Variants in HAAO observed in about 807,000 individuals in gnomAD.
The protein encoded by HAAO is 3-hydroxyanthranilate 3,4-dioxygenase, also known as 3-hydroxyanthranilate oxygenase.
HAAO carries 49 observed loss-of-function variants against 46.2 expected under a neutral mutation model. The observed-to-expected ratio is 1.06, with a 90% CI of 0.84 to 1.34. The LOEUF (loss-of-function observed/expected upper bound fraction) is 1.34. HAAO is among the 40% of genes most tolerant of loss of function. The pLI is 0.00. For missense variants in HAAO, 408 were observed against 364.5 expected (o/e 1.12, Z -0.97); for synonymous variants, 157 against 145.2 (o/e 1.08, Z -0.58).
Position 42,769,727 on chromosome 2 carries a change from T to G in HAAO, c.616A>C (p.Thr206Pro). 6.2e-7 allele frequency: 1 copy of G among 1,611,736 alleles called. No individual in the cohort carries two copies. Among genetic ancestry groups the G allele is most frequent in the Non-Finnish European group, 8.5e-7 (1 of 1,178,930 alleles). The change falls in exon 7 of 10, where the codon ACC (threonine) becomes CCC (proline). Residue 206 changes from threonine to proline, a missense_variant. Coordinates refer to ENST00000294973, the MANE Select transcript of HAAO (RefSeq NM_012205.3). Reference protein sequence around the residue: ...AGTPLSLFGDTYETQVIAYGQ... With the variant: ...AGTPLSLFGDPYETQVIAYGQ... ...GACTACATTACCTGGGTCTCATAGG[T>G]GTCCCCAAACAGGCTGAGTGGTGTG...
Position 42,783,309 on chromosome 2 carries a change from T to G in HAAO, c.350+5A>C, listed in dbSNP as rs192685015. The stretch of plus-strand genomic sequence containing the variant: ...CTCTGCCCCAGCCCTCCAGACAGAA[T>G]TTACCTGAGCCCATCTAGCTCGGTC... On this transcript the variant is annotated splice_donor_5th_base_variant and intron_variant, in intron 4 of 9. Coordinates refer to ENST00000294973, the MANE Select transcript of HAAO (RefSeq NM_012205.3). 5.0e-4 allele frequency: 790 copies of G among 1,582,660 alleles called. 5 individuals are homozygous for G. In the African/African-American group the frequency reaches 8.3e-3, roughly 17 times the overall value.
chr2:42,772,993 C>T lies in HAAO; in HGVS notation c.351-2411G>A, dbSNP rs558460219. On this transcript the variant is annotated intron_variant, in intron 4 of 9. Coordinates refer to ENST00000294973, the MANE Select transcript of HAAO (RefSeq NM_012205.3). ...TGTTGAGCTTTTGGAAAATCTATTT[C>T]CCTGAGCAATAGGTTGCTTCCTCCT... 1.3e-5 allele frequency among the ~76,000 whole-genome samples: 2 copies of T among 150,974 alleles called. 1 individual carries two copies. The highest frequency in any genetic ancestry group is 1.3e-4 in the Admixed American group (2 of 15,194).
intron 1 of HAAO, among the ~76,000 whole-genome samples, chr2:42,791,370 G>C (rs910124518): frequency 1.3e-5 from 2 of 152,174 alleles, no homozygotes; most frequent in African/African-American, 4.8e-5. Flanking sequence ...CTGAGAAGGA[G>C]CGACTGCAGA....
intron 7 of HAAO, among the ~76,000 whole-genome samples, chr2:42,768,822 A>G (rs904218048): frequency 6.6e-6 from 1 of 152,098 alleles, no homozygotes; most frequent in African/African-American, 2.4e-5. Context: ...ACCTACCAGG[A>G]CCTGGGCCCT....
At chr2:42,784,525 A>C (rs997861757) in intron 2 of HAAO, among the ~76,000 whole-genome samples, 1 of 1,106 alleles carries the variant, frequency 9.0e-4, no homozygotes, top group Non-Finnish European at 1.9e-3. Flanking sequence ...GGGTGGGGGG[A>C]GGTGGGGGGG....
intron 4 of HAAO, among the ~76,000 whole-genome samples, chr2:42,778,157 C>G (rs1035521876): frequency 2.0e-5 from 3 of 148,770 alleles, no homozygotes; most frequent in Admixed American, 6.7e-5. Flanking sequence ...TTTATATGAT[C>G]AAGTTATCAC....
chr2:42,786,059 G>GTC (rs1357417433), intron 2 of HAAO, among the ~76,000 whole-genome samples: 2 of 128,930 alleles, frequency 1.6e-5, no homozygotes, highest in African/African-American at 5.3e-5. Flanking sequence ...GTGTGTGTGT[G>GTC]TGTGTGTGTG....
Position 42,767,311 on chromosome 2 carries a change from G to T in HAAO, c.*126C>A. ...GCAGGAGGGTGGGTGACAACAATGT[G>T]CAGGTCTGTGGGGGACACAGCGGCA... On this transcript the variant is annotated 3_prime_UTR_variant, in exon 10 of 10. Coordinates refer to ENST00000294973, the MANE Select transcript of HAAO (RefSeq NM_012205.3). 1.4e-6 allele frequency: 1 copy of T among 714,340 alleles called. No individual in the cohort carries two copies. Among genetic ancestry groups the T allele is most frequent in the South Asian group, 1.6e-5 (1 of 63,580 alleles). 44.3% of individuals were successfully genotyped at this position (714,340 alleles called of 1,614,324 possible). A position where few individuals can be genotyped will look rare whatever the true frequency, so the allele number is the denominator to read the frequency against.
chr2:42,788,519 T>C lies in HAAO; in HGVS notation c.159+10A>G. The C allele has an allele frequency of 1.9e-6, 3 of 1,575,694 alleles. No individual in the cohort carries two copies. The highest frequency in any genetic ancestry group is 2.6e-6 in the Non-Finnish European group (3 of 1,145,466). ...GCAGGCCTAGATCCAGGGAGACCAG[T>C]CAAACCTACCTCTTCACCCTCTTCG... On this transcript the variant is annotated intron_variant, in intron 2 of 9. Coordinates refer to ENST00000294973, the MANE Select transcript of HAAO (RefSeq NM_012205.3).
rs189985378 is a variant in HAAO at position 42,791,371 on chromosome 2, C to T, written c.80+1086G>A. On this transcript the variant is annotated intron_variant, in intron 1 of 9. Transcript: ENST00000294973. ...GAGCGAAGGGAGGACTGAGAAGGAG[C>T]GACTGCAGATGGGGATGAAGTGTTG... Among the ~76,000 whole-genome samples the T allele has an allele frequency of 7.0e-4, 106 of 152,114 alleles. 1 individual carries two copies. The highest frequency in any genetic ancestry group is 2.4e-3 in the African/African-American group (101 of 41,478).
chr2:42,785,751 A>C (rs149234205), intron 2 of HAAO, among the ~76,000 whole-genome samples: 12 of 152,084 alleles, frequency 7.9e-5, no homozygotes, highest in Non-Finnish European at 1.6e-4. Flanking sequence ...AGTCCTAACT[A>C]TCTGGGAGCC....
Position 42,767,888 on chromosome 2 carries a change from TGTCTC to T in HAAO, c.666_670del (p.Arg223GlufsTer27). Reference sequence around the variant, plus strand: ...CTGCCACAGCCACACGTCCACATTCTGTCTCAGGCCTTCGCTGCTGCCTTGCCCAT... The same window carrying T: ...CTGCCACAGCCACACGTCCACATTCTAGGCCTTCGCTGCTGCCTTGCCCAT... On this transcript the variant is annotated frameshift_variant, in exon 8 of 10. Coordinates refer to ENST00000294973, the MANE Select transcript of HAAO (RefSeq NM_012205.3). LOFTEE classifies it high-confidence loss of function. 2 of 1,614,080 alleles carry T rather than the reference TGTCTC, an allele frequency of 1.2e-6. No homozygotes were observed. The highest frequency in any genetic ancestry group is 1.7e-6 in the Non-Finnish European group (2 of 1,179,910).
chr2:42,783,874 G>C lies in HAAO; in HGVS notation c.160-7C>G. The stretch of plus-strand genomic sequence containing the variant: ...CCTCCAGCTGGTAAAATACCTGTGG[G>C]ACAGGAGAGAGGCTTGGACCCTCCG... On this transcript the variant is annotated splice_region_variant and splice_polypyrimidine_tract_variant and intron_variant, in intron 2 of 9. Transcript: ENST00000294973. 6.2e-7 allele frequency: 1 copy of C among 1,606,008 alleles called. No homozygotes were observed. Among genetic ancestry groups the C allele is most frequent in the Non-Finnish European group, 8.5e-7 (1 of 1,175,834 alleles).
chr2:42,767,734 G>C (rs1282292078), intron 8 of HAAO, 57 bp from the exon 9 acceptor site: 1 of 1,543,704 alleles, frequency 6.5e-7, no homozygotes, highest in African/African-American at 1.4e-5. Flanking sequence ...TCACCTGGGT[G>C]AATGTCTGAG....
intron 4 of HAAO, among the ~76,000 whole-genome samples, chr2:42,773,331 T>C (rs532018226): frequency 6.6e-6 from 1 of 151,900 alleles, no homozygotes; most frequent in African/African-American, 2.4e-5. Context: ...CAGATGTCAG[T>C]GTGTGTTGTG....
intron 4 of HAAO, among the ~76,000 whole-genome samples, chr2:42,777,548 C>G (rs1671679289): frequency 1.3e-5 from 2 of 152,030 alleles, no homozygotes; most frequent in Non-Finnish European, 2.9e-5. Context: ...AGGTTAGAAG[C>G]AAGATGGAAT....
Position 42,769,774 on chromosome 2 carries a change from T to G in HAAO, c.569A>C (p.His190Pro). The change falls in exon 7 of 10, where the codon CAC becomes CCC. Residue 190 changes from histidine to proline, a missense_variant. Physicochemically the swap from His to Pro is moderately conservative, Grantham distance 77. Coordinates refer to ENST00000294973, the MANE Select transcript of HAAO (RefSeq NM_012205.3). Reference sequence around the variant, plus strand: ...TGTGCCTGCCTGCAGCTCCCTGTGGTGGCTGTCCAGCCAGGCATCCAGGGA... The same window carrying G: ...TGTGCCTGCCTGCAGCTCCCTGTGGGGGCTGTCCAGCCAGGCATCCAGGGA... ...PMSLDAWLDS[H>P]HRELQAGTPL... 6.2e-7 allele frequency: 1 copy of G among 1,614,008 alleles called. No homozygotes were observed. The highest frequency in any genetic ancestry group is 8.5e-7 in the Non-Finnish European group (1 of 1,179,960).
At chr2:42,777,421 G>A (rs542232022) in intron 4 of HAAO, among the ~76,000 whole-genome samples, 29 of 151,832 alleles carry the variant, frequency 1.9e-4, no homozygotes, top group African/African-American at 5.8e-4. Context: ...TGCCTAAGAC[G>A]TCTATCTATG....
chr2:42,767,954 C>T (rs751804650), intron 7 of HAAO, 26 bp from the exon 8 acceptor site: 2 of 1,605,210 alleles, frequency 1.2e-6, no homozygotes, highest in South Asian at 1.1e-5. Context: ...ACAGAAACTT[C>T]TGGTGCTTCT....
Sources: gnomAD v4.1 joint callset for allele counts (sites outside exome capture counted in the v4.1 genomes callset) on GRCh38, gnomAD v4.1.1 for gene constraint, MANE v1.5 for transcripts, NCBI Gene and HGNC (gene_info 2026-07-23, HGNC 2026-07-21) for gene names.